DLGAP1: variants seen among roughly 807,000 people sequenced by gnomAD.
DLGAP1 encodes DLG associated protein 1, also known as disks large-associated protein 1.
A neutral mutation model predicts 90.8 loss-of-function variants in DLGAP1; 11 were observed. The observed-to-expected ratio is 0.12, with a 90% confidence interval of 0.08 to 0.20. The LOEUF (loss-of-function observed/expected upper bound fraction) is 0.20, where lower values mean the gene tolerates loss of function less well. DLGAP1 is among the 10% of genes least tolerant of loss of function. The pLI is 1.00. For missense variants in DLGAP1, 1,050 were observed against 1,333.8 expected (o/e 0.79, Z 3.31); for synonymous variants, 558 against 540.7 (o/e 1.03, Z -0.44).
intron 7 of DLGAP1, among the ~76,000 whole-genome samples, chr18:3,710,045 T>C (rs968590244): frequency 6.6e-6 from 1 of 152,210 alleles, no homozygotes; most frequent in Non-Finnish European, 1.5e-5. Context: ...AGGGAGCTGC[T>C]ATTTTCTGTA....
chr18:4,223,831 A>G (rs1477292794), intron 1 of DLGAP1, among the ~76,000 whole-genome samples: 2 of 152,190 alleles, frequency 1.3e-5, no homozygotes, highest in East Asian at 1.9e-4. Context: ...TAGTCCAAAG[A>G]GCATCCTTAT....
chr18:3,911,937 C>T (rs372549980), intron 3 of DLGAP1, among the ~76,000 whole-genome samples: 3 of 152,136 alleles, frequency 2.0e-5, no homozygotes, highest in Non-Finnish European at 4.4e-5. Context: ...GTCCCTGGGC[C>T]CACAGCAGCA....
At chr18:4,061,596 A>G (rs1274021941) in intron 2 of DLGAP1, among the ~76,000 whole-genome samples, 1 of 152,200 alleles carries the variant, frequency 6.6e-6, no homozygotes, top group Admixed American at 6.5e-5. Flanking sequence ...ATAAGGTTTT[A>G]CTAAGAATTG....
chr18:3,852,819 CCTTT>C (rs2069418724), intron 4 of DLGAP1, among the ~76,000 whole-genome samples: 1 of 151,912 alleles, frequency 6.6e-6, no homozygotes, highest in Non-Finnish European at 1.5e-5. Context: ...CCAAAGTTAA[CCTTT>C]CTTTTTGTTA....
At chr18:4,444,517 T>A (rs2083614295) in intron 1 of DLGAP1, among the ~76,000 whole-genome samples, 3 of 152,172 alleles carry the variant, frequency 2.0e-5, no homozygotes, top group African/African-American at 7.2e-5. Context: ...GAGAGCTGTA[T>A]CCTGCATGAG....
intron 1 of DLGAP1, among the ~76,000 whole-genome samples, chr18:4,322,928 T>C (rs1367140012): frequency 3.7e-5 from 4 of 107,630 alleles, no homozygotes; most frequent in African/African-American, 1.5e-4. Flanking sequence ...GCCACTGCAC[T>C]CCAGCCTGGG....
At chr18:3,614,813 C>T (rs1022603604) in intron 7 of DLGAP1, among the ~76,000 whole-genome samples, 6 of 147,300 alleles carry the variant, frequency 4.1e-5, no homozygotes, top group African/African-American at 1.5e-4. Flanking sequence ...AGTGCCACTG[C>T]ACTCCAGCCT....
chr18:3,840,335 T>C (rs548781326), intron 4 of DLGAP1, among the ~76,000 whole-genome samples: 2 of 152,172 alleles, frequency 1.3e-5, no homozygotes, highest in Non-Finnish European at 2.9e-5. Context: ...GAAACCAAGA[T>C]AGCAGAGCTG....
At chr18:4,425,352 C>T (rs2083128897) in intron 1 of DLGAP1, among the ~76,000 whole-genome samples, 1 of 152,126 alleles carries the variant, frequency 6.6e-6, no homozygotes, top group South Asian at 2.1e-4. Flanking sequence ...TTGAGGTAAA[C>T]TTGAACTCAG....
chr18:4,135,970 T>C (rs1847435699), intron 2 of DLGAP1, among the ~76,000 whole-genome samples: 1 of 151,996 alleles, frequency 6.6e-6, no homozygotes, highest in African/African-American at 2.4e-5. Context: ...CTGCACCCAT[T>C]AACTGGTCAT....
At chr18:3,671,293 A>C (rs528369575) in intron 7 of DLGAP1, among the ~76,000 whole-genome samples, 3 of 149,728 alleles carry the variant, frequency 2.0e-5, no homozygotes, top group African/African-American at 7.4e-5. Context: ...TAACACCCCT[A>C]TCTCTCTCTC....
At chr18:3,929,267 C>T (rs2072463360) in intron 3 of DLGAP1, among the ~76,000 whole-genome samples, 2 of 152,316 alleles carry the variant, frequency 1.3e-5, no homozygotes, top group Middle Eastern at 3.4e-3. Context: ...TCTAATCACA[C>T]TCTAAGCCAA....
chr18:4,381,944 A>AG lies in DLGAP1; in HGVS notation c.-267+73061_-267+73062insC, dbSNP rs570311662. Among the ~76,000 whole-genome samples the AG allele has an allele frequency of 2.0e-5, 3 of 152,272 alleles. No homozygotes were observed. The East Asian group carries it at 5.8e-4, about 29-fold the overall frequency. ...AGACACGTCTTACACGGCGGCAGAC[A>AG]AGAGAGGGAGTGATAGCCAAGTGAA... is the stretch of plus-strand genomic sequence containing the variant. On this transcript the variant is annotated intron_variant, in intron 1 of 12. Transcript: ENST00000315677.
intron 1 of DLGAP1, among the ~76,000 whole-genome samples, chr18:4,161,832 A>C (rs1185467320): frequency 6.6e-6 from 1 of 152,216 alleles, no homozygotes; most frequent in Non-Finnish European, 1.5e-5. Flanking sequence ...GAAGTTTATC[A>C]TGCCTCAGAT....
intron 3 of DLGAP1, among the ~76,000 whole-genome samples, chr18:3,976,531 T>A (rs929518352): frequency 6.6e-6 from 1 of 152,184 alleles, no homozygotes; most frequent in Non-Finnish European, 1.5e-5. Flanking sequence ...CCTGCATATT[T>A]TTATATAGTA....
In DLGAP1 at chr18:3,726,698, G is replaced by A. The variant is rs139311326; in HGVS notation, c.1591+2437C>T. On this transcript the variant is annotated intron_variant, in intron 7 of 12. Coordinates refer to ENST00000315677, the MANE Select transcript of DLGAP1 (RefSeq NM_004746.4). ...CCTGTAAAGATGATACATTATGTTT[G>A]GTTTAATGATTCTGGGTGAAGTACA... Among the ~76,000 whole-genome samples the A allele has an allele frequency of 1.1e-3, 162 of 152,268 alleles. 2 individuals carry two copies. Among genetic ancestry groups the A allele is most frequent in the African/African-American group, 3.8e-3 (157 of 41,534 alleles).
At chr18:4,236,906 C>A (rs779820001) in intron 1 of DLGAP1, among the ~76,000 whole-genome samples, 3 of 152,110 alleles carry the variant, frequency 2.0e-5, no homozygotes, top group Non-Finnish European at 4.4e-5. Context: ...TGCTTCGTGG[C>A]ACAATTTAGC....
intron 7 of DLGAP1, chr18:3,708,438 AG>A (rs748281560): frequency 2.2e-6 from 1 of 456,668 alleles, no homozygotes; most frequent in Admixed American, 2.3e-5. Flanking sequence ...GAGTGGTATC[AG>A]GGGTGGAGGA....
At chr18:3,547,835 A>T (rs2053150103) in intron 9 of DLGAP1, among the ~76,000 whole-genome samples, 2 of 152,232 alleles carry the variant, frequency 1.3e-5, no homozygotes, top group South Asian at 4.1e-4. Context: ...AAAGATTTTT[A>T]AAAACCCAAA....
Sources: gnomAD v4.1 joint callset for allele counts (sites outside exome capture counted in the v4.1 genomes callset) on GRCh38, gnomAD v4.1.1 for gene constraint, MANE v1.5 for transcripts, NCBI Gene and HGNC (gene_info 2026-07-23, HGNC 2026-07-21) for gene names.